SYT3: variants seen among roughly 807,000 people sequenced by gnomAD.
The protein encoded by SYT3 is synaptotagmin 3.
A neutral mutation model predicts 50.6 loss-of-function variants in SYT3; 25 were observed. The observed-to-expected ratio is 0.49, with a 90% CI of 0.36 to 0.69. The LOEUF is 0.69. Ranked by LOEUF, SYT3 falls within the 30% of genes least tolerant of loss-of-function variation. The pLI is 0.00. For synonymous variants in SYT3, 323 were observed against 353.9 expected, an observed-to-expected ratio of 0.91 and a Z score of 0.98; for missense variants, 589 against 793.6, an observed-to-expected ratio of 0.74 and a Z score of 3.10.
Position 50,625,775 on chromosome 19 carries a change from CAGGAG to C in SYT3, c.1402+117_1402+121del. On this transcript the variant is annotated intron_variant, in intron 7 of 10. Transcript: ENST00000600079. The surrounding 1 kb of genome is among the most constrained non-coding windows in gnomAD (Gnocchi z 7.5). ...CCCCTGGCCCCTCCTCCCTCAGACC[CAGGAG>C]TCCAGATCCCCAGCTCCTCCTCCCT... The C allele has an allele frequency of 6.4e-6, 4 of 629,008 alleles. No individual in the cohort carries two copies. Among genetic ancestry groups the C allele is most frequent in the Admixed American group, 3.5e-5 (1 of 28,660 alleles). 39.0% of individuals were successfully genotyped at this position (629,008 alleles called of 1,614,324 possible).
the SYT3 span, among the ~76,000 whole-genome samples, chr19:50,652,998 GGTT>G: frequency 6.6e-6 from 1 of 152,162 alleles, no homozygotes; most frequent in Admixed American, 6.6e-5. Flanking sequence ...TACCTCGGAA[GGTT>G]GTTGTGAGGA....
the SYT3 span, chr19:50,649,477 T>G: frequency 1.3e-6 from 2 of 1,536,110 alleles, no homozygotes; most frequent in African/African-American, 2.7e-5. Flanking sequence ...TGTGCTTCCC[T>G]GCCATGGGCA....
chr19:50,643,731 A>C (rs1984716476), upstream of SYT3, among the ~76,000 whole-genome samples: 1 of 151,704 alleles, frequency 6.6e-6, no homozygotes, highest in Non-Finnish European at 1.5e-5. Flanking sequence ...GACAGCAGGG[A>C]TTCATCTGGG....
At chr19:50,656,352 T>G in the SYT3 span, 2 of 1,533,362 alleles carry the variant, frequency 1.3e-6, no homozygotes, top group Non-Finnish European at 1.7e-6. Flanking sequence ...CCTTGGTGAG[T>G]GGACCTGTGC....
In SYT3 at chr19:50,629,911, C is replaced by T; in HGVS notation, c.935G>A (p.Gly312Asp). 1 of 1,614,080 alleles carries T rather than the reference C, an allele frequency of 6.2e-7. No homozygotes were observed. The highest frequency in any genetic ancestry group is 8.5e-7 in the Non-Finnish European group (1 of 1,179,988). The part of the protein sequence containing the change: ...RISFALRYLY[G>D]SDQLVVRILQ... ...GATCCTCACCACCAGCTGGTCCGAG[C>T]CATAGAGGTACCGCAGGGCGAAGCT... is the stretch of plus-strand genomic sequence containing the variant. The change falls in exon 5 of 11, where the codon GGC becomes GAC. Residue 312 changes from glycine to aspartate, a missense_variant. Transcript: ENST00000600079.
the SYT3 span, among the ~76,000 whole-genome samples, chr19:50,645,548 T>C: frequency 6.6e-6 from 1 of 151,964 alleles, no homozygotes; most frequent in Non-Finnish European, 1.5e-5. Flanking sequence ...TCTACAGAGA[T>C]GCAGACAGTG....
Position 50,639,353 on chromosome 19 carries a change from C to G in SYT3, c.-153-191G>C, listed in dbSNP as rs1984595565. ...TCGCGCTGCTGCGGCTTCATAGACC[C>G]GGCGCTGCAGGATCTGCTGGGAGTT... On this transcript the variant is annotated intron_variant, in intron 1 of 10. Transcript: ENST00000600079. The surrounding 1 kb of genome is among the most constrained non-coding windows in gnomAD (Gnocchi z 4.6). 2 of 152,166 alleles carry G rather than the reference C, an allele frequency of 1.3e-5. No individual in the cohort carries two copies. Among genetic ancestry groups the G allele is most frequent in the Non-Finnish European group, 2.9e-5 (2 of 68,066 alleles). The allele number at this position is 152,166 out of a possible 1,614,324, so 9.4% of individuals were successfully genotyped here. A position where few individuals can be genotyped will look rare whatever the true frequency, so the allele number is the denominator to read the frequency against.
intron 9 of SYT3, among the ~76,000 whole-genome samples, chr19:50,624,550 A>G (rs1209113084): frequency 8.2e-6 from 1 of 122,214 alleles, no homozygotes; most frequent in Non-Finnish European, 1.6e-5. Flanking sequence ...ATAATCTTAA[A>G]TGACTTTTTT....
chr19:50,626,208 G>T, intron 6 of SYT3, 191 bp from the exon 7 acceptor site: 1 of 791,134 alleles, frequency 1.3e-6, no homozygotes, highest in Non-Finnish European at 1.9e-6. Flanking sequence ...GACCATCAAA[G>T]CTTATTTGTT....
chr19:50,632,164 T>C lies in SYT3; in HGVS notation c.674+122A>G. ...GCCCCAGCCTCCTCTTTCCCTAAGA[T>C]CCAGGAGTCAATACCCCGATTCCCC... On this transcript the variant is annotated intron_variant, in intron 4 of 10. Transcript: ENST00000600079. This position sits in a 1 kb window ranked among gnomAD's most constrained non-coding sequence, Gnocchi z 4.7. The C allele has an allele frequency of 8.9e-7, 1 of 1,129,882 alleles. No homozygotes were observed. Among genetic ancestry groups the C allele is most frequent in the Non-Finnish European group, 1.2e-6 (1 of 807,172 alleles). The allele number at this position is 1,129,882 out of a possible 1,614,324, so 70.0% of individuals were successfully genotyped here.
chr19:50,657,887 A>G, the SYT3 span: 1 of 1,403,764 alleles, frequency 7.1e-7, no homozygotes, highest in Non-Finnish European at 9.3e-7. Flanking sequence ...TGCCACCTGG[A>G]ACTCTGTGGC....
chr19:50,638,084 G>A (rs145180531), intron 2 of SYT3: 1 of 152,408 alleles, frequency 6.6e-6, no homozygotes, highest in Non-Finnish European at 1.5e-5. Flanking sequence ...ACCGGTCACT[G>A]TCAGACTGTC....
At position 50,625,521 on chromosome 19, in the gene SYT3, C is replaced by G; in HGVS notation, c.1446G>C (p.Leu482=). The change falls in exon 8 of 11, where the codon CTG becomes CTC. Residue 482 remains leucine, a synonymous_variant. Transcript: ENST00000600079. This position sits in a 1 kb window ranked among gnomAD's most constrained non-coding sequence, Gnocchi z 7.5. ...TCTTGATGGAGGTTTTCCGCTTCTT[C>G]AGACGCCGCCCCTCGCTGATCAGGG... ...KASLISEGRR[L]KKRKTSIKKN... is the part of the protein sequence containing the mutation. The G allele has an allele frequency of 3.7e-6, 6 of 1,608,384 alleles. No homozygotes were observed. The highest frequency in any genetic ancestry group is 5.1e-6 in the Non-Finnish European group (6 of 1,177,488).
At chr19:50,650,444 T>C in the SYT3 span, among the ~76,000 whole-genome samples, 2 of 152,030 alleles carry the variant, frequency 1.3e-5, no homozygotes, top group African/African-American at 2.4e-5. Flanking sequence ...CCGAGGTGAG[T>C]GGATCACCTG....
At position 50,637,277 on chromosome 19, in the gene SYT3, C is replaced by G; in HGVS notation, c.135G>C (p.Arg45=). The G allele has an allele frequency of 6.2e-7, 1 of 1,613,274 alleles. No homozygotes were observed. The highest frequency in any genetic ancestry group is 8.5e-7 in the Non-Finnish European group (1 of 1,179,806). ...EFNDRIRGYP[R]GPDADISVSL... Reference sequence around the variant, plus strand: ...AGGGGTGCTGACCTGCATCTGGACCCCGGGGATAGCCTCGGATTCGGTCAT... The same window carrying G: ...AGGGGTGCTGACCTGCATCTGGACCGCGGGGATAGCCTCGGATTCGGTCAT... The change falls in exon 3 of 11, where the codon CGG becomes CGC. Residue 45 remains arginine, a synonymous_variant. Transcript: ENST00000600079. This position sits in a 1 kb window ranked among gnomAD's most constrained non-coding sequence, Gnocchi z 4.9.
At chr19:50,656,345 T>C in the SYT3 span, 2 of 1,534,752 alleles carry the variant, frequency 1.3e-6, no homozygotes, top group Middle Eastern at 3.3e-4. Flanking sequence ...ATGGAGACCT[T>C]GGTGAGTGGA....
chr19:50,628,962 T>C (rs947428867), intron 6 of SYT3, among the ~76,000 whole-genome samples: 4 of 151,962 alleles, frequency 2.6e-5, no homozygotes, highest in African/African-American at 9.7e-5. Context: ...TAGCTGGGAT[T>C]ACAGGCATGT....
rs767632801 is a variant in SYT3, at chr19:50,625,166, A to G, written c.1703T>C (p.Val568Ala). The change falls in exon 9 of 11, where the codon GTG (valine) becomes GCG (alanine). Residue 568 changes from valine to alanine, a missense_variant. By Grantham distance (64) the Val-to-Ala change is moderately conservative. Coordinates refer to ENST00000600079, the MANE Select transcript of SYT3 (RefSeq NM_001160329.2). The surrounding 1 kb of genome is among the most constrained non-coding windows in gnomAD (Gnocchi z 7.5). ...CGGTGTGGGACCCCTACTCACCTCC[A>G]CTAGCTGATGCCAGTGCTCCACGGG... ...RKPVEHWHQL[V>A]EEKTVTSFTK... 2.5e-6 allele frequency: 4 copies of G among 1,595,300 alleles called. No homozygotes were observed. Among genetic ancestry groups the G allele is most frequent in the Non-Finnish European group, 3.4e-6 (4 of 1,174,968 alleles).
At chr19:50,643,859 A>G (rs1055126930), upstream of SYT3, among the ~76,000 whole-genome samples, 1 of 152,192 alleles carries the variant, frequency 6.6e-6, no homozygotes, top group Non-Finnish European at 1.5e-5. Flanking sequence ...GCTAGGAAGG[A>G]ACATCCATTG....
Sources: gnomAD v4.1 joint callset for allele counts (sites outside exome capture counted in the v4.1 genomes callset) on GRCh38, gnomAD v4.1.1 for gene constraint, Gnocchi (gnomAD v3.1) non-coding constraint, MANE v1.5 for transcripts, NCBI Gene and HGNC (gene_info 2026-07-23, HGNC 2026-07-21) for gene names.